The following JAKMIP2 variants were observed in gnomAD, a reference collection of about 807,000 sequenced individuals.
The protein encoded by JAKMIP2 is janus kinase and microtubule-interacting protein 2.
In JAKMIP2, 25 loss-of-function variants were observed where a neutral mutation model predicts 115.0. The observed-to-expected ratio is 0.22, with a 90% CI of 0.16 to 0.30. The LOEUF (loss-of-function observed/expected upper bound fraction) is 0.30. Among genes scored for constraint, JAKMIP2 ranks in the 10% least tolerant of loss-of-function variants. The pLI is 1.00. For synonymous variants in JAKMIP2, 334 were observed against 343.6 expected (o/e 0.97, Z 0.31); for missense variants, 642 against 957.6 (o/e 0.67, Z 4.35).
intron 14 of JAKMIP2, among the ~76,000 whole-genome samples, chr5:147,630,559 G>A (rs963379883): frequency 2.0e-5 from 3 of 152,154 alleles, no homozygotes; most frequent in Non-Finnish European, 2.9e-5. Flanking sequence ...ACTTTTTACC[G>A]TATTAGTACT....
At chr5:147,684,705 TG>T (rs879517090) in intron 1 of JAKMIP2, among the ~76,000 whole-genome samples, 10 of 152,186 alleles carry the variant, frequency 6.6e-5, no homozygotes, top group Non-Finnish European at 8.8e-5. Context: ...TAATAATTAC[TG>T]GGAATGTGAT....
intron 1 of JAKMIP2, among the ~76,000 whole-genome samples, chr5:147,716,040 T>A (rs1369999487): frequency 7.3e-6 from 1 of 136,296 alleles, no homozygotes; most frequent in African/African-American, 2.8e-5. Context: ...TTCCCCTTCC[T>A]GTGTCCATGT....
intron 20 of JAKMIP2, among the ~76,000 whole-genome samples, chr5:147,603,925 G>GT (rs1336522566): frequency 1.3e-5 from 2 of 151,526 alleles, no homozygotes; most frequent in Non-Finnish European, 2.9e-5. Flanking sequence ...TCCCCTTTTT[G>GT]TTTTTTTTAA....
At chr5:147,752,111 G>C (rs1410392970) in intron 1 of JAKMIP2, among the ~76,000 whole-genome samples, 1 of 152,170 alleles carries the variant, frequency 6.6e-6, no homozygotes, top group Non-Finnish European at 1.5e-5. Context: ...AGTCTGCATT[G>C]GGATCAGGAA....
rs1756606863 is a variant in JAKMIP2, at chr5:147,616,826, C to T, written c.2346+1085G>A. Among the ~76,000 whole-genome samples, 3 of 152,118 alleles carry T rather than the reference C, an allele frequency of 2.0e-5. No individual in the cohort carries two copies. In the South Asian group the frequency reaches 6.2e-4, roughly 32 times the overall value. Reference sequence around the variant, plus strand: ...CCACCTACTTGGGTAATCTATTAGCCTATAAAATCCACAAAGCTCCTGCCT... The same window carrying T: ...CCACCTACTTGGGTAATCTATTAGCTTATAAAATCCACAAAGCTCCTGCCT... On this transcript the variant is annotated intron_variant, in intron 19 of 21. Transcript: ENST00000616793.
chr5:147,631,883 G>A (rs751765950), intron 13 of JAKMIP2, among the ~76,000 whole-genome samples: 6 of 152,144 alleles, frequency 3.9e-5, no homozygotes, highest in Non-Finnish European at 8.8e-5. Context: ...CAAGCATTAT[G>A]AGAAAGATAT....
At chr5:147,623,166 T>C (rs1756930226) in intron 17 of JAKMIP2, among the ~76,000 whole-genome samples, 1 of 151,986 alleles carries the variant, frequency 6.6e-6, no homozygotes, top group Non-Finnish European at 1.5e-5. Flanking sequence ...CTTCCTGCCT[T>C]AACTTCCCAA....
chr5:147,687,279 C>T (rs1760618528), intron 1 of JAKMIP2, among the ~76,000 whole-genome samples: 1 of 152,158 alleles, frequency 6.6e-6, no homozygotes, highest in Admixed American at 6.5e-5. Flanking sequence ...AGTCATCTTC[C>T]AGCCTTGAAC....
At chr5:147,744,150 A>G (rs1260681782) in intron 1 of JAKMIP2, among the ~76,000 whole-genome samples, 1 of 152,142 alleles carries the variant, frequency 6.6e-6, no homozygotes, top group Non-Finnish European at 1.5e-5. Context: ...GAACGAACAC[A>G]GCAAATTGGC....
At chr5:147,751,164 C>A (rs920878104) in intron 1 of JAKMIP2, among the ~76,000 whole-genome samples, 2 of 151,930 alleles carry the variant, frequency 1.3e-5, no homozygotes, top group African/African-American at 4.8e-5. Context: ...CTCCGCCTAC[C>A]GGATTCAAGT....
chr5:147,680,636 A>T (rs1015933181), intron 1 of JAKMIP2, among the ~76,000 whole-genome samples: 1 of 152,198 alleles, frequency 6.6e-6, no homozygotes, highest in Non-Finnish European at 1.5e-5. Context: ...AGATGCTATT[A>T]GTGTTTAAAA....
intron 20 of JAKMIP2, among the ~76,000 whole-genome samples, chr5:147,611,975 AT>A (rs1041560118): frequency 6.8e-4 from 104 of 152,286 alleles, no homozygotes; most frequent in African/African-American, 2.4e-3. Flanking sequence ...GTGCTAAAAG[AT>A]TTTTTTAAAA....
At chr5:147,692,756 T>C (rs1751926544) in intron 1 of JAKMIP2, among the ~76,000 whole-genome samples, 2 of 152,160 alleles carry the variant, frequency 1.3e-5, no homozygotes, top group African/African-American at 4.8e-5. Flanking sequence ...AAACGGTCCA[T>C]TTGAAAGCAT....
chr5:147,598,838 G>C (rs186272962), intron 21 of JAKMIP2, among the ~76,000 whole-genome samples: 1 of 152,176 alleles, frequency 6.6e-6, no homozygotes, highest in East Asian at 1.9e-4. Flanking sequence ...AATTTAGTAT[G>C]GAAAAAAATT....
chr5:147,638,408 T>G (rs1023656367), intron 10 of JAKMIP2, among the ~76,000 whole-genome samples: 18 of 152,216 alleles, frequency 1.2e-4, no homozygotes, highest in African/African-American at 4.1e-4. Context: ...ATTATTTTAA[T>G]TCCCCAATCC....
At position 147,755,025 on chromosome 5, in the gene JAKMIP2, T is replaced by G. The variant is rs76944871; in HGVS notation, c.-149+27431A>C. 8.0e-3 allele frequency among the ~76,000 whole-genome samples: 1,224 copies of G among 152,194 alleles called. 15 individuals are homozygous for G. Among genetic ancestry groups the G allele is most frequent in the African/African-American group, 0.028 (1,151 of 41,506 alleles). Reference sequence around the variant, plus strand: ...CTTGCAAAGTAAACTGGGTACAGATTTTATGACTATAGAGTTGGAGCGTTA... The same window carrying G: ...CTTGCAAAGTAAACTGGGTACAGATGTTATGACTATAGAGTTGGAGCGTTA... On this transcript the variant is annotated intron_variant, in intron 1 of 21. Coordinates refer to ENST00000616793, the MANE Select transcript of JAKMIP2 (RefSeq NM_001270941.2).
At position 147,595,425 on chromosome 5, in the gene JAKMIP2, C is replaced by A. The variant is rs756271562; in HGVS notation, c.*21-3739G>T. On this transcript the variant is annotated intron_variant, in intron 21 of 21. Transcript: ENST00000616793. ...CTGTTCCTTCTGTCCTGTGACACAG[C>A]TTTGCCCCCTCCAGGGGATGCAACA... is the stretch of plus-strand genomic sequence containing the variant. 17 of 456,814 alleles carry A rather than the reference C, an allele frequency of 3.7e-5. No individual in the cohort carries two copies. The East Asian group carries it at 1.2e-3, about 32-fold the overall frequency. The allele number at this position is 456,814 out of a possible 1,614,324, so 28.3% of individuals were successfully genotyped here.
intron 1 of JAKMIP2, 133 bp downstream of exon 1, chr5:147,782,323 A>T (rs1228616633): frequency 6.8e-6 from 6 of 878,330 alleles, no homozygotes; most frequent in Non-Finnish European, 9.1e-6. Context: ...CTCCATCCTC[A>T]TCTCTGTCTC....
intron 2 of JAKMIP2, among the ~76,000 whole-genome samples, chr5:147,668,082 A>C (rs1412865527): frequency 6.6e-6 from 1 of 152,138 alleles, no homozygotes; most frequent in Non-Finnish European, 1.5e-5. Flanking sequence ...GCTTGCTCTG[A>C]TGGTTGTGAG....
Sources: allele counts gnomAD v4.1 joint callset (sites outside exome capture counted in the v4.1 genomes callset), GRCh38; gene constraint gnomAD v4.1.1; transcripts MANE v1.5; gene names NCBI Gene and HGNC (gene_info 2026-07-23, HGNC 2026-07-21).